FOXP1: variants seen among roughly 807,000 people sequenced by gnomAD.
The protein encoded by FOXP1 is forkhead box protein P1.
In FOXP1, 15 loss-of-function variants were observed where a neutral mutation model predicts 98.2. That is an observed-to-expected ratio of 0.15 (90% CI 0.10 to 0.24). FOXP1 has a LOEUF of 0.24. Ranked by LOEUF, FOXP1 falls within the 10% of genes least tolerant of loss-of-function variation. The probability of loss-of-function intolerance (pLI) is 1.00; values close to 1 mark genes in which losing one functional copy is unlikely to be tolerated. For missense variants in FOXP1, 633 were observed against 848.5 expected (o/e 0.75, Z 3.15); for synonymous variants, 371 against 314.5 (o/e 1.18, Z -1.90).
chr3:71,117,089 C>T (rs1575799633), intron 6 of FOXP1, among the ~76,000 whole-genome samples: 1 of 148,476 alleles, frequency 6.7e-6, no homozygotes, highest in Non-Finnish European at 1.5e-5. Context: ...AGAGATAAAT[C>T]TTTTTTTTTT....
At chr3:71,352,794 T>C (rs1475838855) in intron 4 of FOXP1, among the ~76,000 whole-genome samples, 1 of 152,214 alleles carries the variant, frequency 6.6e-6, no homozygotes, top group Non-Finnish European at 1.5e-5. Flanking sequence ...AGATTTTTCA[T>C]GAGTTTAGAA....
intron 13 of FOXP1, among the ~76,000 whole-genome samples, chr3:70,988,469 C>A (rs2040111326): frequency 6.6e-6 from 1 of 152,240 alleles, no homozygotes; most frequent in African/African-American, 2.4e-5. Context: ...AACTCCTAGA[C>A]AGATGGATAC....
chr3:71,141,025 C>G (rs2060042307), intron 6 of FOXP1, among the ~76,000 whole-genome samples: 2 of 151,582 alleles, frequency 1.3e-5, no homozygotes, highest in Admixed American at 1.3e-4. Flanking sequence ...TCCCAGCACT[C>G]TGGGAGGCCA....
intron 4 of FOXP1, among the ~76,000 whole-genome samples, chr3:71,346,214 C>G (rs1439468264): frequency 6.6e-6 from 1 of 152,222 alleles, no homozygotes; most frequent in African/African-American, 2.4e-5. Flanking sequence ...GAATTAAGCA[C>G]TCACATAATA....
intron 11 of FOXP1, among the ~76,000 whole-genome samples, chr3:71,023,437 T>C (rs1156914321): frequency 6.6e-6 from 1 of 152,184 alleles, no homozygotes; most frequent in African/African-American, 2.4e-5. Context: ...TCTCTTCATA[T>C]ACAATTTTAG....
intron 5 of FOXP1, among the ~76,000 whole-genome samples, chr3:71,223,514 T>G (rs1421877458): frequency 6.6e-6 from 1 of 151,872 alleles, no homozygotes; most frequent in Non-Finnish European, 1.5e-5. Context: ...GCTAATATGA[T>G]GAAACCCAGT....
intron 6 of FOXP1, among the ~76,000 whole-genome samples, chr3:71,148,111 TCACG>T (rs2060398358): frequency 6.6e-6 from 1 of 152,236 alleles, no homozygotes; most frequent in Non-Finnish European, 1.5e-5. Flanking sequence ...GCACGGTGGC[TCACG>T]CCTGTAATCC....
intron 7 of FOXP1, chr3:71,064,829 A>C: frequency 2.0e-6 from 2 of 982,778 alleles, no homozygotes; most frequent in Non-Finnish European, 2.4e-6. Flanking sequence ...CCAACCTGAC[A>C]CTCTCCATGT....
chr3:71,317,014 G>C (rs2075120983), intron 4 of FOXP1, among the ~76,000 whole-genome samples: 1 of 152,054 alleles, frequency 6.6e-6, no homozygotes, highest in South Asian at 2.1e-4. Flanking sequence ...ATACCATTGT[G>C]AAACAACTCT....
chr3:71,156,952 A>G (rs1270957011), intron 6 of FOXP1, among the ~76,000 whole-genome samples: 2 of 152,210 alleles, frequency 1.3e-5, no homozygotes, highest in African/African-American at 4.8e-5. Flanking sequence ...TGAACAGTGC[A>G]TGTCCTGACC....
chr3:71,007,371 A>G (rs1465983821), intron 12 of FOXP1, among the ~76,000 whole-genome samples: 2 of 152,178 alleles, frequency 1.3e-5, no homozygotes, highest in Admixed American at 6.6e-5. Context: ...TACACTAACT[A>G]GAGGTAATTT....
At chr3:71,009,504 GTGGGACT>G (rs1006347701) in intron 12 of FOXP1, among the ~76,000 whole-genome samples, 1 of 152,038 alleles carries the variant, frequency 6.6e-6, no homozygotes, top group African/African-American at 2.4e-5. Flanking sequence ...TCCCCTCTGT[GTGGGACT>G]TTTTACCAGA....
chr3:71,513,048 AC>A (rs1001605362), intron 2 of FOXP1, among the ~76,000 whole-genome samples: 42 of 152,256 alleles, frequency 2.8e-4, no homozygotes, highest in African/African-American at 1.0e-3. Flanking sequence ...AGTAGCATTT[AC>A]CAGGCATTCC....
At chr3:71,344,364 A>C (rs2107796767) in intron 4 of FOXP1, among the ~76,000 whole-genome samples, 1 of 152,282 alleles carries the variant, frequency 6.6e-6, no homozygotes, top group South Asian at 2.1e-4. Context: ...CATTTTCAAA[A>C]CTTGCCACCC....
At chr3:71,384,377 G>C (rs986494231) in intron 3 of FOXP1, among the ~76,000 whole-genome samples, 3 of 152,158 alleles carry the variant, frequency 2.0e-5, no homozygotes, top group African/African-American at 7.2e-5. Flanking sequence ...TTCTAACTCT[G>C]AGAGAAGAGA....
At chr3:71,123,752 A>G (rs2058950782) in intron 6 of FOXP1, among the ~76,000 whole-genome samples, 1 of 152,104 alleles carries the variant, frequency 6.6e-6, no homozygotes. Flanking sequence ...CTCTGCTATA[A>G]ATACATTCTT....
At chr3:71,500,052 A>G (rs988363779) in intron 2 of FOXP1, among the ~76,000 whole-genome samples, 2 of 152,220 alleles carry the variant, frequency 1.3e-5, no homozygotes, top group East Asian at 1.9e-4. Flanking sequence ...CACTACACCA[A>G]CCTCCATGGT....
At chr3:71,116,399 C>T (rs1165622512) in intron 6 of FOXP1, among the ~76,000 whole-genome samples, 1 of 152,164 alleles carries the variant, frequency 6.6e-6, no homozygotes, top group Admixed American at 6.5e-5. Context: ...AGCCGACCTA[C>T]TGAACAGAGA....
At chr3:71,079,837 AATCTT>A (rs897187400) in intron 7 of FOXP1, among the ~76,000 whole-genome samples, 2 of 152,180 alleles carry the variant, frequency 1.3e-5, no homozygotes, top group East Asian at 1.9e-4. Context: ...GAGCTTACTT[AATCTT>A]TATCATAATC....
Sources: gnomAD v4.1 joint callset for allele counts (sites outside exome capture counted in the v4.1 genomes callset) on GRCh38, gnomAD v4.1.1 for gene constraint, MANE v1.5 for transcripts, NCBI Gene and HGNC (gene_info 2026-07-23, HGNC 2026-07-21) for gene names.